UNC79: variants seen among roughly 807,000 people sequenced by gnomAD.
UNC79 encodes unc-79 subunit of NALCN channel complex.
In UNC79, 37 loss-of-function variants were observed where a neutral mutation model predicts 283.1. The ratio of observed to expected loss-of-function variants is 0.13; its 90% CI spans 0.10 to 0.17. The LOEUF (loss-of-function observed/expected upper bound fraction) is 0.17. Ranked by LOEUF, UNC79 falls within the 10% of genes least tolerant of loss-of-function variation. The probability of loss-of-function intolerance (pLI) is 1.00; values close to 1 mark genes in which losing one functional copy is unlikely to be tolerated. For synonymous variants in UNC79, 1,107 were observed against 1,200.2 expected (o/e 0.92, Z 1.61); for missense variants, 2,272 against 3,211.1 (o/e 0.71, Z 7.07).
In UNC79 at chr14:93,688,395, A is replaced by G. The variant is rs918885679; in HGVS notation, c.6910-270A>G. Among the ~76,000 whole-genome samples the G allele has an allele frequency of 1.3e-5, 2 of 152,118 alleles. No individual in the cohort carries two copies. The highest frequency in any genetic ancestry group is 1.3e-4 in the Admixed American group (2 of 15,268). ...TGGCATTCCAGACAAAGGGAATAGC[A>G]GCAGGGGGGAACACAGAGAGCCAAC... On this transcript the variant is annotated intron_variant, in intron 43 of 48. Transcript: ENST00000555664. This position sits in a 1 kb window ranked among gnomAD's most constrained non-coding sequence, Gnocchi z 4.0.
intron 1 of UNC79, among the ~76,000 whole-genome samples, chr14:93,442,615 C>T (rs1025584329): frequency 4.6e-5 from 7 of 152,294 alleles, no homozygotes; most frequent in East Asian, 3.8e-4. Context: ...TGACTACTAT[C>T]ACCATGTCTT....
intron 1 of UNC79, among the ~76,000 whole-genome samples, chr14:93,453,233 G>T (rs952418195): frequency 2.6e-5 from 4 of 152,194 alleles, no homozygotes; most frequent in Non-Finnish European, 5.9e-5. Context: ...TATTTTCAGT[G>T]CAATCATTTT....
chr14:93,500,272 A>G (rs1001564988), intron 7 of UNC79, among the ~76,000 whole-genome samples: 2 of 152,162 alleles, frequency 1.3e-5, no homozygotes, highest in Non-Finnish European at 2.9e-5. Context: ...GCGTACCAAG[A>G]TGTCTCTGTC....
chr14:93,333,235 TG>T, exon 1 of UNC79: 1 of 401,654 alleles, frequency 2.5e-6, no homozygotes, highest in Non-Finnish European at 4.4e-6. Flanking sequence ...GCTCGTCGGC[TG>T]GGAGCCGGGC....
At chr14:93,626,658 C>G (rs2067593261) in intron 30 of UNC79, among the ~76,000 whole-genome samples, 1 of 151,836 alleles carries the variant, frequency 6.6e-6, no homozygotes, top group Non-Finnish European at 1.5e-5. Context: ...AAACTCTATA[C>G]TAAAACATAC....
chr14:93,587,735 C>T (rs2064322460), intron 22 of UNC79, among the ~76,000 whole-genome samples: 1 of 151,962 alleles, frequency 6.6e-6, no homozygotes. Context: ...TCATAATAAC[C>T]CCAAGAGGAT....
At chr14:93,609,666 A>G (rs2066155989) in intron 26 of UNC79, among the ~76,000 whole-genome samples, 1 of 152,218 alleles carries the variant, frequency 6.6e-6, no homozygotes, top group Admixed American at 6.5e-5. Flanking sequence ...AAATGCTTGT[A>G]GGCATTTAGT....
At chr14:93,561,979 T>C (rs1294763741) in intron 14 of UNC79, among the ~76,000 whole-genome samples, 1 of 151,984 alleles carries the variant, frequency 6.6e-6, no homozygotes, top group Admixed American at 6.6e-5. Context: ...AAAAGTAGGG[T>C]AAGGACGAAT....
chr14:93,502,241 G>A (rs1006073456), intron 7 of UNC79, among the ~76,000 whole-genome samples: 11 of 151,954 alleles, frequency 7.2e-5, no homozygotes, highest in African/African-American at 1.9e-4. Context: ...GTGAAACCCC[G>A]TCTCTACTAA....
chr14:93,555,227 T>TA (rs1409946895), intron 14 of UNC79, among the ~76,000 whole-genome samples: 1 of 152,244 alleles, frequency 6.6e-6, no homozygotes, highest in Non-Finnish European at 1.5e-5. Context: ...ATTTTTCTGA[T>TA]AAAATATTTT....
intron 8 of UNC79, among the ~76,000 whole-genome samples, chr14:93,527,260 A>G (rs2060588204): frequency 6.6e-6 from 1 of 152,224 alleles, no homozygotes; most frequent in Admixed American, 6.5e-5. Context: ...GTTTTTGGAA[A>G]TAAGGTTTTA....
chr14:93,692,643 C>T (rs1030436025), intron 46 of UNC79, among the ~76,000 whole-genome samples: 15 of 152,208 alleles, frequency 9.9e-5, no homozygotes, highest in Admixed American at 9.8e-4. Context: ...CTTATAGGGA[C>T]CTATGCTCCC....
At chr14:93,656,449 T>TAA (rs370069555) in intron 38 of UNC79, among the ~76,000 whole-genome samples, 32 of 143,382 alleles carry the variant, frequency 2.2e-4, no homozygotes, top group African/African-American at 5.4e-4. Flanking sequence ...TACGAAAGAT[T>TAA]AAAAAAAAAA....
At chr14:93,581,188 T>C (rs572630277) in intron 19 of UNC79, among the ~76,000 whole-genome samples, 2 of 152,118 alleles carry the variant, frequency 1.3e-5, no homozygotes, top group Non-Finnish European at 2.9e-5. Flanking sequence ...ATTATTATTA[T>C]TGTTATTTTT....
intron 1 of UNC79, among the ~76,000 whole-genome samples, chr14:93,456,968 G>A (rs1321409732): frequency 6.6e-6 from 1 of 152,170 alleles, no homozygotes; most frequent in African/African-American, 2.4e-5. Flanking sequence ...AATGGATGGT[G>A]GTGGAATTGG....
At chr14:93,645,672 T>C (rs1327629488) in intron 34 of UNC79, among the ~76,000 whole-genome samples, 1 of 152,214 alleles carries the variant, frequency 6.6e-6, no homozygotes, top group African/African-American at 2.4e-5. Context: ...CATACTTTGC[T>C]GTCTGCTTGG....
At chr14:93,525,211 G>A (rs539158732) in intron 8 of UNC79, among the ~76,000 whole-genome samples, 8 of 152,260 alleles carry the variant, frequency 5.3e-5, no homozygotes, top group Non-Finnish European at 7.4e-5. Context: ...TTCAGAGGCC[G>A]AGGCGGGTGG....
At chr14:93,565,247 G>A (rs922005927) in intron 14 of UNC79, among the ~76,000 whole-genome samples, 1 of 152,194 alleles carries the variant, frequency 6.6e-6, no homozygotes, top group African/African-American at 2.4e-5. Context: ...TGGTCGTTGG[G>A]TTGGGGCTTT....
chr14:93,602,184 A>G (rs2065555652), intron 25 of UNC79, among the ~76,000 whole-genome samples: 1 of 152,196 alleles, frequency 6.6e-6, no homozygotes, highest in Non-Finnish European at 1.5e-5. Context: ...GCCTAAGTCA[A>G]TGTCTAGAAG....
Sources: gnomAD v4.1 joint callset for allele counts (sites outside exome capture counted in the v4.1 genomes callset) on GRCh38, gnomAD v4.1.1 for gene constraint, Gnocchi (gnomAD v3.1) non-coding constraint, MANE v1.5 for transcripts, NCBI Gene and HGNC (gene_info 2026-07-23, HGNC 2026-07-21) for gene names.